ARID4B: variants seen among roughly 807,000 people sequenced by gnomAD.
The protein encoded by ARID4B is AT-rich interaction domain 4B, also known as AT-rich interactive domain-containing protein 4B.
A neutral mutation model predicts 147.5 loss-of-function variants in ARID4B; 26 were observed. The observed-to-expected ratio is 0.18, with a 90% CI of 0.13 to 0.24. The LOEUF is 0.24. ARID4B is among the 10% of genes least tolerant of loss of function. ARID4B has a pLI of 1.00. For synonymous variants in ARID4B, 512 were observed against 507.9 expected, an observed-to-expected ratio of 1.01 and a Z score of -0.11; for missense variants, 1,179 against 1,511.5, an observed-to-expected ratio of 0.78 and a Z score of 3.65.
At chr1:235,325,246 G>A (rs952557088) in intron 2 of ARID4B, among the ~76,000 whole-genome samples, 4 of 151,842 alleles carry the variant, frequency 2.6e-5, no homozygotes, top group African/African-American at 9.7e-5. Context: ...ATGTAATGCT[G>A]AGCACTTAAA....
At chr1:235,199,816 G>A (rs916538976) in intron 17 of ARID4B, among the ~76,000 whole-genome samples, 4 of 152,132 alleles carry the variant, frequency 2.6e-5, no homozygotes, top group African/African-American at 7.2e-5. Context: ...CTAATGAGAC[G>A]TTAAATAGCA....
chr1:235,309,523 G>A (rs1673883666), intron 2 of ARID4B, among the ~76,000 whole-genome samples: 1 of 146,254 alleles, frequency 6.8e-6, no homozygotes, highest in Admixed American at 6.8e-5. Flanking sequence ...CCTCTGCCCG[G>A]CCAGCCGCCC....
intron 20 of ARID4B, chr1:235,181,365 T>C: frequency 1.4e-6 from 1 of 695,024 alleles, no homozygotes; most frequent in South Asian, 2.1e-5. Flanking sequence ...CACAATAAAA[T>C]GCCATGGATG....
At chr1:235,230,872 G>A (rs1668174775) in intron 10 of ARID4B, among the ~76,000 whole-genome samples, 1 of 150,488 alleles carries the variant, frequency 6.6e-6, no homozygotes, top group African/African-American at 2.5e-5. Flanking sequence ...GCAGTGAGCC[G>A]AGATTGCGCC....
At chr1:235,195,524 GGAGGTTGCAGTGAGCC>G (rs897638343) in intron 18 of ARID4B, among the ~76,000 whole-genome samples, 5 of 151,828 alleles carry the variant, frequency 3.3e-5, no homozygotes, top group African/African-American at 1.2e-4. Flanking sequence ...ACTGGGAGGT[GGAGGTTGCAGTGAGCC>G]GAGGTTGCAC....
At chr1:235,229,784 T>C (rs1179511323) in intron 10 of ARID4B, among the ~76,000 whole-genome samples, 1 of 152,216 alleles carries the variant, frequency 6.6e-6, no homozygotes, top group Non-Finnish European at 1.5e-5. Context: ...AAAATAAATA[T>C]ACAATACCTG....
chr1:235,197,410 T>C lies in ARID4B; in HGVS notation c.1842-1295A>G, dbSNP rs1314374692. 1.3e-5 allele frequency among the ~76,000 whole-genome samples: 2 copies of C among 152,224 alleles called. 1 individual carries two copies. Among genetic ancestry groups the C allele is most frequent in the East Asian group, 3.8e-4 (2 of 5,204 alleles). On this transcript the variant is annotated intron_variant, in intron 17 of 23. Transcript: ENST00000264183. The stretch of plus-strand genomic sequence containing the variant: ...AATAAATTATATTCTTACTCTAGCA[T>C]AGGCCTGGAAAGTATCTGTAGCAAA...
At chr1:235,321,640 C>T (rs928082827) in intron 2 of ARID4B, among the ~76,000 whole-genome samples, 2 of 151,858 alleles carry the variant, frequency 1.3e-5, no homozygotes, top group Admixed American at 6.6e-5. Context: ...TACAGGCGCC[C>T]GCTACCAAGC....
chr1:235,200,339 G>A (rs777723540), intron 17 of ARID4B, among the ~76,000 whole-genome samples: 10 of 152,140 alleles, frequency 6.6e-5, no homozygotes, highest in African/African-American at 1.9e-4. Context: ...GGCGCCTGTA[G>A]TCCTAGCTAC....
At chr1:235,231,052 T>C (rs1441126107) in intron 10 of ARID4B, 61 bp downstream of exon 10, 16 of 1,178,752 alleles carry the variant, frequency 1.4e-5, no homozygotes, top group Non-Finnish European at 1.9e-5. Context: ...AAAAATTTAA[T>C]CTTCAAAAAC....
chr1:235,256,386 G>A (rs559534263), intron 4 of ARID4B, among the ~76,000 whole-genome samples: 2 of 152,112 alleles, frequency 1.3e-5, no homozygotes, highest in African/African-American at 2.4e-5. Flanking sequence ...TCCTTGCCCC[G>A]TATTTCCACT....
chr1:235,317,993 A>G (rs1023152683), intron 2 of ARID4B, among the ~76,000 whole-genome samples: 3 of 152,174 alleles, frequency 2.0e-5, no homozygotes, highest in Admixed American at 2.0e-4. Flanking sequence ...TTAAAAATAC[A>G]TGTTCGCACA....
At chr1:235,222,195 A>G (rs1334803191) in intron 13 of ARID4B, among the ~76,000 whole-genome samples, 2 of 152,132 alleles carry the variant, frequency 1.3e-5, no homozygotes, top group African/African-American at 2.4e-5. Flanking sequence ...TACAGGCATG[A>G]GTCACCATAA....
At chr1:235,197,921 A>T (rs1048781119) in intron 17 of ARID4B, among the ~76,000 whole-genome samples, 4 of 152,206 alleles carry the variant, frequency 2.6e-5, no homozygotes, top group African/African-American at 9.6e-5. Context: ...AAAATTGTAT[A>T]ATGCTTAGGA....
rs1030017527 is a variant in ARID4B, at chr1:235,177,980, C to T, written c.3335-67G>A. On this transcript the variant is annotated intron_variant, in intron 20 of 23. Coordinates refer to ENST00000264183, the MANE Select transcript of ARID4B (RefSeq NM_016374.6). ...ACATTCCCTAAGTATAAATTAATTC[C>T]ACATTTTAGAAACATAGAACAATCC... The T allele has an allele frequency of 3.3e-6, 3 of 900,048 alleles. No individual in the cohort carries two copies. In the African/African-American group the frequency reaches 5.1e-5, roughly 15 times the overall value. 55.8% of individuals were successfully genotyped at this position (900,048 alleles called of 1,614,324 possible). A position where few individuals can be genotyped will look rare whatever the true frequency, so the allele number is the denominator to read the frequency against.
chr1:235,173,128 G>A (rs575942030), intron 22 of ARID4B, among the ~76,000 whole-genome samples: 11 of 151,726 alleles, frequency 7.2e-5, no homozygotes, highest in Non-Finnish European at 1.5e-4. Flanking sequence ...GGCGGATCAC[G>A]AGGTCAGGAG....
chr1:235,273,402 G>A (rs1272628585), intron 2 of ARID4B, among the ~76,000 whole-genome samples: 3 of 152,106 alleles, frequency 2.0e-5, no homozygotes, highest in African/African-American at 7.2e-5. Context: ...AGAGATGATG[G>A]TTTATTTTTA....
At chr1:235,235,945 C>CTT (rs397795149) in intron 8 of ARID4B, among the ~76,000 whole-genome samples, 7 of 142,072 alleles carry the variant, frequency 4.9e-5, no homozygotes, top group African/African-American at 1.5e-4. Flanking sequence ...TTTTCTTTTT[C>CTT]TTTTTTTTTT....
chr1:235,178,827 G>A (rs898426175), intron 20 of ARID4B, among the ~76,000 whole-genome samples: 1 of 149,196 alleles, frequency 6.7e-6, no homozygotes, highest in African/African-American at 2.5e-5. Flanking sequence ...AACAGGACAA[G>A]TAATTAACTG....
Sources: gnomAD v4.1 joint callset for allele counts (sites outside exome capture counted in the v4.1 genomes callset) on GRCh38, gnomAD v4.1.1 for gene constraint, MANE v1.5 for transcripts, NCBI Gene and HGNC (gene_info 2026-07-23, HGNC 2026-07-21) for gene names.